HTR3E: variants seen among roughly 807,000 people sequenced by gnomAD.
The protein encoded by HTR3E is 5-hydroxytryptamine receptor 3E.
Under a neutral mutation model 38.0 loss-of-function variants are expected in HTR3E, and 38 were observed. That is an observed-to-expected ratio of 1.00 (90% confidence interval 0.77 to 1.31). The LOEUF is 1.31. Ranked by LOEUF, HTR3E falls within the 50% of genes most tolerant of loss-of-function variation. The pLI is 0.00. For missense variants in HTR3E, 547 were observed against 585.2 expected, an observed-to-expected ratio of 0.93 and a Z score of 0.67; for synonymous variants, 210 against 232.9, an observed-to-expected ratio of 0.90 and a Z score of 0.89.
At position 184,104,296 on chromosome 3, in the gene HTR3E, G is replaced by A. The variant is rs201660158; in HGVS notation, c.389+5G>A. 36 of 1,606,308 alleles carry A rather than the reference G, an allele frequency of 2.2e-5. No individual in the cohort carries two copies. The highest frequency in any genetic ancestry group is 1.8e-4 in the East Asian group (8 of 44,414). On this transcript the variant is annotated splice_donor_5th_base_variant and intron_variant, in intron 4 of 8. Transcript: ENST00000415389. Reference sequence around the variant, plus strand: ...AGACATTTTCATCATTGAACTGTGCGTATCAAGGGCTGGTCAGAGGGAAGT... The same window carrying A: ...AGACATTTTCATCATTGAACTGTGCATATCAAGGGCTGGTCAGAGGGAAGT...
intron 3 of HTR3E, among the ~76,000 whole-genome samples, 178 bp from the exon 4 acceptor site, chr3:184,104,004 A>G (rs914199522): frequency 6.6e-6 from 1 of 151,858 alleles, no homozygotes; most frequent in Non-Finnish European, 1.5e-5. Flanking sequence ...TCATTTCTTG[A>G]AAAAAAAGCA....
Position 184,106,044 on chromosome 3 carries a change from G to C in HTR3E, c.925+75G>C. The stretch of plus-strand genomic sequence containing the variant: ...AAGGGAGGTATTTTGGAAAAAGGAG[G>C]CCGTATGCCTGCCAGGGTGGGATTG... On this transcript the variant is annotated intron_variant, in intron 7 of 8. Coordinates refer to ENST00000415389, the MANE Select transcript of HTR3E (RefSeq NM_001256613.2). The surrounding 1 kb of genome is among the most constrained non-coding windows in gnomAD (Gnocchi z 4.1). The C allele has an allele frequency of 6.2e-7, 1 of 1,609,500 alleles. No individual in the cohort carries two copies. Among genetic ancestry groups the C allele is most frequent in the South Asian group, 1.1e-5 (1 of 90,850 alleles).
Position 184,104,390 on chromosome 3 carries a change from T to C in HTR3E, c.389+99T>C, listed in dbSNP as rs1215162472. ...CCACTGTAAGTGGTCTTTAGATGGC[T>C]AAGAAACAACCAGAGAGATAAGAAG... On this transcript the variant is annotated intron_variant, in intron 4 of 8. Transcript: ENST00000415389. 6 of 1,512,610 alleles carry C rather than the reference T, an allele frequency of 4.0e-6. No individual in the cohort carries two copies. The African/African-American group carries it at 8.5e-5, about 21-fold the overall frequency. The allele number at this position is 1,512,610 out of a possible 1,614,324, so 93.7% of individuals were successfully genotyped here. A position where few individuals can be genotyped will look rare whatever the true frequency, so the allele number is the denominator to read the frequency against.
rs767239236 is a variant in HTR3E at position 184,106,236 on chromosome 3, G to A, written c.1034G>A (p.Arg345Gln). ...VATTQPPPLP[R>Q]WLHSLLLHCN... is the part of the protein sequence containing the mutation. ...ACCACCCAGCCCCCACCCCTGCCTC[G>A]GTGGCTCCACTCCCTGCTGCTCCAC... Residue 345 changes from arginine (R) to glutamine (Q), a missense_variant, in exon 8 of 9, where the codon CGG (arginine) becomes CAG (glutamine). Arg to Gln is a conservative substitution (Grantham distance 43). Coordinates refer to ENST00000415389, the MANE Select transcript of HTR3E (RefSeq NM_001256613.2). This position sits in a 1 kb window ranked among gnomAD's most constrained non-coding sequence, Gnocchi z 4.1. 8.7e-6 allele frequency: 14 copies of A among 1,612,488 alleles called. No individual in the cohort carries two copies. The highest frequency in any genetic ancestry group is 2.7e-5 in the African/African-American group (2 of 74,716).
In HTR3E at chr3:184,099,854, T is replaced by C. The variant is rs140141688; in HGVS notation, c.68-631T>C. On this transcript the variant is annotated intron_variant, in intron 1 of 8. Coordinates refer to ENST00000415389, the MANE Select transcript of HTR3E (RefSeq NM_001256613.2). Reference sequence around the variant, plus strand: ...GGGTAAAGTCAAGTAAGAAGGAAGGTTGGGGCAGTCGGGGTGAAAACAGGT... The same window carrying C: ...GGGTAAAGTCAAGTAAGAAGGAAGGCTGGGGCAGTCGGGGTGAAAACAGGT... Among the ~76,000 whole-genome samples the C allele has an allele frequency of 1.6e-3, 238 of 151,906 alleles. 1 individual carries two copies. The highest frequency in any genetic ancestry group is 5.5e-3 in the African/African-American group (226 of 41,404).
intron 1 of HTR3E, chr3:184,100,211 T>A: frequency 7.1e-7 from 1 of 1,404,374 alleles, no homozygotes; most frequent in Non-Finnish European, 9.3e-7. Context: ...TTATTGGCTG[T>A]CTGACTGTAG....
intron 4 of HTR3E, chr3:184,104,499 A>T: frequency 1.7e-6 from 1 of 584,634 alleles, no homozygotes; most frequent in Non-Finnish European, 2.7e-6. Flanking sequence ...TCAGTTCAGG[A>T]GTTTGAGACC....
intron 1 of HTR3E, 149 bp downstream of exon 1, chr3:184,097,745 T>C (rs1226094308): frequency 8.3e-6 from 5 of 604,896 alleles, no homozygotes; most frequent in East Asian, 2.9e-5. Context: ...GATGCCCACA[T>C]AGACTTTCCT....
chr3:184,102,655 T>A (rs1245485579), intron 3 of HTR3E, among the ~76,000 whole-genome samples: 3 of 149,946 alleles, frequency 2.0e-5, no homozygotes, highest in Non-Finnish European at 4.4e-5. Context: ...CTGGGCACAG[T>A]GGCTCACACC....
chr3:184,097,396 G>A lies in HTR3E; in HGVS notation c.-134G>A. 1.5e-6 allele frequency: 1 copy of A among 647,848 alleles called. No homozygotes were observed. The highest frequency in any genetic ancestry group is 2.7e-5 in the East Asian group (1 of 36,366). The allele number at this position is 647,848 out of a possible 1,614,324, so 40.1% of individuals were successfully genotyped here. A position where few individuals can be genotyped will look rare whatever the true frequency, so the allele number is the denominator to read the frequency against. ...CAAGACAACCAGAACACTCTTTGAA[G>A]GAAGGTTACAAATGTCAGTGGTCAA... is the stretch of plus-strand genomic sequence containing the variant. On this transcript the variant is annotated 5_prime_UTR_variant, in exon 1 of 9. Coordinates refer to ENST00000415389, the MANE Select transcript of HTR3E (RefSeq NM_001256613.2).
At position 184,104,643 on chromosome 3, in the gene HTR3E, G is replaced by A. The variant is rs1219778408; in HGVS notation, c.390-144G>A. ...GAGACAGGAGGATCATTTGAGCCCAGGACATGGAAGTTGCAGTGAGCTGAG... is the reference window on the plus strand; with the variant it reads ...GAGACAGGAGGATCATTTGAGCCCAAGACATGGAAGTTGCAGTGAGCTGAG... On this transcript the variant is annotated intron_variant, in intron 4 of 8. Coordinates refer to ENST00000415389, the MANE Select transcript of HTR3E (RefSeq NM_001256613.2). 15 of 704,970 alleles carry A rather than the reference G, an allele frequency of 2.1e-5. No individual in the cohort carries two copies. The East Asian group carries it at 4.1e-4, about 19-fold the overall frequency. The allele number at this position is 704,970 out of a possible 1,614,324, so 43.7% of individuals were successfully genotyped here.
In HTR3E at chr3:184,106,719, T is replaced by A; in HGVS notation, c.*26T>A. On this transcript the variant is annotated 3_prime_UTR_variant, in exon 9 of 9. Coordinates refer to ENST00000415389, the MANE Select transcript of HTR3E (RefSeq NM_001256613.2). This position sits in a 1 kb window ranked among gnomAD's most constrained non-coding sequence, Gnocchi z 4.1. Reference sequence around the variant, plus strand: ...GCAGGTGCTCACCTGCCAACTTCAGTCTGGAGCTTCTCTTGCCTCCAGGGA... The same window carrying A: ...GCAGGTGCTCACCTGCCAACTTCAGACTGGAGCTTCTCTTGCCTCCAGGGA... The A allele has an allele frequency of 1.9e-6, 3 of 1,610,966 alleles. No individual in the cohort carries two copies. The East Asian group carries it at 6.7e-5, about 36-fold the overall frequency.
At chr3:184,105,051 G>A in intron 5 of HTR3E, 95 bp downstream of exon 5, 1 of 1,317,794 alleles carries the variant, frequency 7.6e-7, no homozygotes, top group Non-Finnish European at 1.0e-6. Context: ...AGTATGGGTG[G>A]GGAGAAGAAT....
chr3:184,104,079 C>A, intron 3 of HTR3E, 103 bp from the exon 4 acceptor site: 1 of 714,182 alleles, frequency 1.4e-6, no homozygotes, highest in African/African-American at 1.8e-5. Flanking sequence ...TTTGTCACAG[C>A]ATTTTATATA....
chr3:184,103,738 A>C (rs1433629106), intron 3 of HTR3E, among the ~76,000 whole-genome samples: 3 of 151,716 alleles, frequency 2.0e-5, no homozygotes, highest in Admixed American at 2.0e-4. Context: ...TGGAGGTTGC[A>C]GTGAGCCGAG....
In HTR3E at chr3:184,106,198, G is replaced by C. The variant is rs376829198; in HGVS notation, c.996G>C (p.Leu332=). 9 of 1,612,690 alleles carry C rather than the reference G, an allele frequency of 5.6e-6. No homozygotes were observed. Among genetic ancestry groups the C allele is most frequent in the Non-Finnish European group, 4.2e-6 (5 of 1,179,978 alleles). The change falls in exon 8 of 9, where the codon CTG becomes CTC. Residue 332 remains leucine (L), a synonymous_variant. Transcript: ENST00000415389. This position sits in a 1 kb window ranked among gnomAD's most constrained non-coding sequence, Gnocchi z 4.1. ...TGGAGACCATCTTCATCACCCACCT[G>C]CTGCACGTGGCCACCACCCAGCCCC... ...SLLETIFITH[L]LHVATTQPPP...
intron 4 of HTR3E, 33 bp from the exon 5 acceptor site, chr3:184,104,754 C>CA: frequency 1.3e-6 from 2 of 1,496,978 alleles, no homozygotes; most frequent in South Asian, 2.5e-5. Context: ...AGAGAAACTG[C>CA]AGCACCTGCC....
At chr3:184,103,319 CA>C (rs35209355) in intron 3 of HTR3E, among the ~76,000 whole-genome samples, 48,869 of 151,550 alleles carry the variant, frequency 0.32, 8,511 homozygotes, top group South Asian at 0.45. Flanking sequence ...CCATCTCTAC[CA>C]AAAATATAAA....
chr3:184,105,000 C>T (rs1164012258), intron 5 of HTR3E, 44 bp downstream of exon 5: 1 of 1,549,658 alleles, frequency 6.5e-7, no homozygotes, highest in East Asian at 2.3e-5. Flanking sequence ...ATGAGAGCAA[C>T]CAACAAATAT....
Sources: gnomAD v4.1 joint callset for allele counts (sites outside exome capture counted in the v4.1 genomes callset) on GRCh38, gnomAD v4.1.1 for gene constraint, Gnocchi (gnomAD v3.1) non-coding constraint, MANE v1.5 for transcripts, NCBI Gene and HGNC (gene_info 2026-07-23, HGNC 2026-07-21) for gene names.